The following RALYL variants were observed in gnomAD, a reference collection of about 807,000 sequenced individuals.
RALYL encodes the protein RALY RNA binding protein like.
In RALYL, 29 loss-of-function variants were observed where a neutral mutation model predicts 35.1. The ratio of observed to expected loss-of-function variants is 0.83; its 90% CI spans 0.61 to 1.13. The LOEUF (loss-of-function observed/expected upper bound fraction) is 1.13, where lower values mean the gene tolerates loss of function less well. Among genes scored for constraint, RALYL ranks in the 50% most tolerant of loss-of-function variants. The pLI is 0.00. For synonymous variants in RALYL, 120 were observed against 127.6 expected, an observed-to-expected ratio of 0.94 and a Z score of 0.40; for missense variants, 359 against 360.4, an observed-to-expected ratio of 1.00 and a Z score of 0.03.
chr8:84,415,247 G>GT (rs952514357), intron 1 of RALYL, among the ~76,000 whole-genome samples: 2 of 68,372 alleles, frequency 2.9e-5, no homozygotes, highest in African/African-American at 5.4e-5. Flanking sequence ...GTTTTGTTTT[G>GT]TTTTTTTGAT....
At chr8:84,565,408 AAG>A (rs1156450757) in intron 2 of RALYL, among the ~76,000 whole-genome samples, 9 of 151,578 alleles carry the variant, frequency 5.9e-5, no homozygotes, top group Non-Finnish European at 1.2e-4. Flanking sequence ...ATATTTATCT[AAG>A]TATCACTGGG....
intron 2 of RALYL, among the ~76,000 whole-genome samples, chr8:84,711,928 C>T (rs1842248963): frequency 1.3e-5 from 2 of 151,922 alleles, no homozygotes; most frequent in South Asian, 2.1e-4. Context: ...TCCCAAATTA[C>T]TTCATATCTT....
At chr8:84,593,367 G>A (rs568168581) in intron 2 of RALYL, among the ~76,000 whole-genome samples, 46 of 151,986 alleles carry the variant, frequency 3.0e-4, no homozygotes, top group East Asian at 1.6e-3. Flanking sequence ...TTCCTCATGC[G>A]TCGCCAATCT....
At chr8:84,236,705 T>G (rs1826648740) in intron 1 of RALYL, among the ~76,000 whole-genome samples, 1 of 152,132 alleles carries the variant, frequency 6.6e-6, no homozygotes, top group Non-Finnish European at 1.5e-5. Context: ...ACTATACTTT[T>G]CCAATCAATA....
At chr8:84,522,963 G>A (rs928443699) in intron 1 of RALYL, among the ~76,000 whole-genome samples, 1 of 151,866 alleles carries the variant, frequency 6.6e-6, no homozygotes. Context: ...TAAACAGGGG[G>A]CCTCACAATC....
intron 6 of RALYL, chr8:84,865,003 G>A (rs765129132): frequency 3.6e-5 from 7 of 193,418 alleles, no homozygotes; most frequent in Non-Finnish European, 6.3e-5. Flanking sequence ...GTTGATTAGT[G>A]TTACTTTAGT....
rs371301176 is a variant in RALYL at position 84,757,298 on chromosome 8, A to G, written c.257-17281A>G. 7.2e-5 allele frequency among the ~76,000 whole-genome samples: 11 copies of G among 152,260 alleles called. No individual in the cohort carries two copies. In the East Asian group the frequency reaches 1.4e-3, roughly 19 times the overall value. Reference sequence around the variant, plus strand: ...CTGTATCTACTGGAGTTTCCTTGAGATTTAGCTTCAAAAGGTAAAAACTAG... The same window carrying G: ...CTGTATCTACTGGAGTTTCCTTGAGGTTTAGCTTCAAAAGGTAAAAACTAG... On this transcript the variant is annotated intron_variant, in intron 2 of 8. Transcript: ENST00000521268.
chr8:84,206,496 A>C (rs1352763277), intron 1 of RALYL, among the ~76,000 whole-genome samples: 2 of 152,202 alleles, frequency 1.3e-5, no homozygotes, highest in Non-Finnish European at 2.9e-5. Context: ...TAGTGAGAGC[A>C]TATGATTAAG....
intron 1 of RALYL, among the ~76,000 whole-genome samples, chr8:84,248,400 G>T (rs966348374): frequency 3.3e-5 from 5 of 151,984 alleles, no homozygotes; most frequent in South Asian, 4.1e-4. Context: ...CTTTCCCAAG[G>T]GATAGCACTT....
chr8:84,815,326 AT>A (rs1010714198), intron 4 of RALYL, among the ~76,000 whole-genome samples: 10 of 150,324 alleles, frequency 6.7e-5, no homozygotes, highest in African/African-American at 1.9e-4. Flanking sequence ...ATTAAATAAT[AT>A]AATTTCAATA....
chr8:84,468,975 G>A (rs1264512002), intron 1 of RALYL, among the ~76,000 whole-genome samples: 48 of 151,226 alleles, frequency 3.2e-4, no homozygotes, highest in Non-Finnish European at 1.0e-4. Context: ...TAGTTCTCGA[G>A]CCTTGGTTTT....
At chr8:84,319,634 A>G (rs1285528165) in intron 1 of RALYL, among the ~76,000 whole-genome samples, 1 of 152,116 alleles carries the variant, frequency 6.6e-6, no homozygotes, top group Admixed American at 6.5e-5. Flanking sequence ...AATCATAGCT[A>G]GGTGACAAGT....
intron 1 of RALYL, among the ~76,000 whole-genome samples, chr8:84,433,601 G>T (rs1361781322): frequency 1.3e-5 from 2 of 151,988 alleles, no homozygotes; most frequent in Non-Finnish European, 2.9e-5. Flanking sequence ...CACGAGATCT[G>T]TTGGGTTTAT....
At chr8:84,845,289 C>T (rs1019163630) in intron 4 of RALYL, among the ~76,000 whole-genome samples, 3 of 152,116 alleles carry the variant, frequency 2.0e-5, no homozygotes, top group Non-Finnish European at 4.4e-5. Context: ...ACAGTAAATA[C>T]TCAAATATAT....
At position 84,569,785 on chromosome 8, in the gene RALYL, A is replaced by C. The variant is rs543111941; in HGVS notation, c.256+40208A>C. On this transcript the variant is annotated intron_variant, in intron 2 of 8. Coordinates refer to ENST00000521268, the MANE Select transcript of RALYL (RefSeq NM_173848.7). ...TATATATGATGAGGGACAGGAGTCCAGTTTCATTTATTTGCATATGGCTAG... is the reference window on the plus strand; with the variant it reads ...TATATATGATGAGGGACAGGAGTCCCGTTTCATTTATTTGCATATGGCTAG... Among the ~76,000 whole-genome samples, 10 of 151,970 alleles carry C rather than the reference A, an allele frequency of 6.6e-5. No homozygotes were observed. The East Asian group carries it at 1.9e-3, about 30-fold the overall frequency.
At chr8:84,617,823 A>T (rs988781612) in intron 2 of RALYL, among the ~76,000 whole-genome samples, 1 of 151,674 alleles carries the variant, frequency 6.6e-6, no homozygotes, top group Non-Finnish European at 1.5e-5. Context: ...ATTTTGTCAA[A>T]GGCCTTTTCT....
chr8:84,330,890 T>C (rs1846682056), intron 1 of RALYL, among the ~76,000 whole-genome samples: 1 of 152,058 alleles, frequency 6.6e-6, no homozygotes. Context: ...TTTCATGAAC[T>C]TCTAGAAAAC....
intron 1 of RALYL, among the ~76,000 whole-genome samples, chr8:84,197,699 G>A (rs1054747260): frequency 6.6e-6 from 1 of 151,760 alleles, no homozygotes; most frequent in Non-Finnish European, 1.5e-5. Context: ...GAGGCAAGAG[G>A]CGGGAGGATA....
chr8:84,775,713 G>T (rs1427544189), intron 3 of RALYL, among the ~76,000 whole-genome samples: 1 of 152,172 alleles, frequency 6.6e-6, no homozygotes, highest in Non-Finnish European at 1.5e-5. Context: ...TTGTTGTTCT[G>T]TATATACTTC....
Sources: allele counts gnomAD v4.1 joint callset (sites outside exome capture counted in the v4.1 genomes callset), GRCh38; gene constraint gnomAD v4.1.1; transcripts MANE v1.5; gene names NCBI Gene and HGNC (gene_info 2026-07-23, HGNC 2026-07-21).